The following MAST4 variants were observed in gnomAD, a reference collection of about 807,000 sequenced individuals.
The protein encoded by MAST4 is microtubule associated serine/threonine kinase family member 4, also known as microtubule-associated serine/threonine-protein kinase 4.
In MAST4, 89 loss-of-function variants were observed where a neutral mutation model predicts 162.7. That is an observed-to-expected ratio of 0.55 (90% CI 0.46 to 0.65). The LOEUF is 0.65. Ranked by LOEUF, MAST4 falls within the 30% of genes least tolerant of loss-of-function variation. The pLI is 0.00. For synonymous variants in MAST4, 1,479 were observed against 1,361.1 expected (o/e 1.09, Z -1.91); for missense variants, 3,153 against 3,374.0 (o/e 0.93, Z 1.62).
intron 3 of MAST4, among the ~76,000 whole-genome samples, chr5:66,870,565 C>T (rs113890413): frequency 0.014 from 2,129 of 152,072 alleles, 33 homozygotes; most frequent in Middle Eastern, 0.075. Flanking sequence ...CTTGCACATA[C>T]AAGTTTGTTT....
Position 67,163,860 on chromosome 5 carries a change from T to C in MAST4, c.4681T>C (p.Leu1561=). The change falls in exon 29 of 29, where the codon TTG becomes CTG. Residue 1561 remains leucine (L), a synonymous_variant. Transcript: ENST00000403625. The surrounding 1 kb of genome is among the most constrained non-coding windows in gnomAD (Gnocchi z 7.0). ...GAAATCCCATGGACCCGGGAGTGAT[T>C]TGGAAAACTTTGCTCTGTTTAAGCT... ...HQKSHGPGSD[L]ENFALFKLEE... The C allele has an allele frequency of 6.2e-7, 1 of 1,613,914 alleles. No homozygotes were observed. The highest frequency in any genetic ancestry group is 8.5e-7 in the Non-Finnish European group (1 of 1,179,864).
Position 66,747,677 on chromosome 5 carries a change from G to A in MAST4, c.364-12032G>A, listed in dbSNP as rs546193272. ...ACCTAGGTCATCTCAGCAAGGTGACGCACTCAAAAATAGGTGAAGAGAGAC... is the reference window on the plus strand; with the variant it reads ...ACCTAGGTCATCTCAGCAAGGTGACACACTCAAAAATAGGTGAAGAGAGAC... On this transcript the variant is annotated intron_variant, in intron 1 of 28. Coordinates refer to ENST00000403625, the MANE Select transcript of MAST4 (RefSeq NM_001164664.2). Among the ~76,000 whole-genome samples the A allele has an allele frequency of 3.8e-4, 58 of 152,276 alleles. 1 individual carries two copies. Among genetic ancestry groups the A allele is most frequent in the African/African-American group, 1.9e-4 (8 of 41,550 alleles).
At chr5:67,123,008 C>T (rs1315254277) in intron 14 of MAST4, among the ~76,000 whole-genome samples, 1 of 152,218 alleles carries the variant, frequency 6.6e-6, no homozygotes, top group Non-Finnish European at 1.5e-5. Context: ...ATTTTCTCAA[C>T]GTTTTAATAA....
chr5:67,155,903 T>C (rs1772428448), intron 26 of MAST4, among the ~76,000 whole-genome samples: 1 of 151,490 alleles, frequency 6.6e-6, no homozygotes, highest in African/African-American at 2.4e-5. Context: ...CTACTAAAAG[T>C]ACAAAAATTA....
rs1412086033 is a variant in MAST4 at position 67,169,510 on chromosome 5, T to G, written c.*2459T>G. 6.6e-6 allele frequency: 1 copy of G among 152,224 alleles called. No homozygotes were observed. The highest frequency in any genetic ancestry group is 1.5e-5 in the Non-Finnish European group (1 of 68,038). The allele number at this position is 152,224 out of a possible 1,614,324, so 9.4% of individuals were successfully genotyped here. A position where few individuals can be genotyped will look rare whatever the true frequency, so the allele number is the denominator to read the frequency against. The stretch of plus-strand genomic sequence containing the variant: ...CTTATTTTCTCTAAGAAATTCCTTA[T>G]GGACGTCATAATTGTTGTATATTGA... On this transcript the variant is annotated 3_prime_UTR_variant, in exon 29 of 29. Coordinates refer to ENST00000403625, the MANE Select transcript of MAST4 (RefSeq NM_001164664.2).
chr5:67,056,540 T>C (rs774669752), intron 5 of MAST4, among the ~76,000 whole-genome samples: 5 of 152,210 alleles, frequency 3.3e-5, no homozygotes, highest in Admixed American at 2.6e-4. Flanking sequence ...TCACTTCTAA[T>C]ATTGAGACGA....
At chr5:66,697,643 T>C (rs1749490512) in intron 1 of MAST4, among the ~76,000 whole-genome samples, 1 of 152,266 alleles carries the variant, frequency 6.6e-6, no homozygotes, top group South Asian at 2.1e-4. Flanking sequence ...TCTTTTAAGC[T>C]GGACACCCAA....
At chr5:66,818,202 C>G (rs2149726658) in intron 3 of MAST4, among the ~76,000 whole-genome samples, 1 of 152,232 alleles carries the variant, frequency 6.6e-6, no homozygotes, top group Middle Eastern at 3.4e-3. Context: ...CCATAGACAT[C>G]TATTACTTTT....
intron 1 of MAST4, among the ~76,000 whole-genome samples, chr5:66,619,786 T>C (rs1437757335): frequency 1.3e-5 from 2 of 152,092 alleles, no homozygotes; most frequent in Admixed American, 6.6e-5. Flanking sequence ...TAAAATAATT[T>C]AGATTTAATT....
Position 67,163,218 on chromosome 5 carries a change from C to T in MAST4, c.4039C>T (p.Arg1347Trp). Reference sequence around the variant, plus strand: ...TTCCCCAGCAGGGTCCGGGCACATCCGGCCCAGCACTCTCCACGGTCTTGC... The same window carrying T: ...TTCCCCAGCAGGGTCCGGGCACATCTGGCCCAGCACTCTCCACGGTCTTGC... ...PNSPAGSGHIRPSTLHGLAPK... is the reference protein window; with the variant it reads ...PNSPAGSGHIWPSTLHGLAPK... The change falls in exon 29 of 29, where the codon CGG (arginine) becomes TGG (tryptophan). Residue 1347 changes from arginine to tryptophan, a missense_variant. This residue lies in a region of MAST4 where 619 missense variants were observed against 744.2 expected (regional missense o/e 0.83). Transcript: ENST00000403625. The surrounding 1 kb of genome is among the most constrained non-coding windows in gnomAD (Gnocchi z 7.0). 1 of 1,613,880 alleles carries T rather than the reference C, an allele frequency of 6.2e-7. No homozygotes were observed. The highest frequency in any genetic ancestry group is 8.5e-7 in the Non-Finnish European group (1 of 1,179,884).
At position 67,061,026 on chromosome 5, in the gene MAST4, C is replaced by T. The variant is rs368668862; in HGVS notation, c.763+6534C>T. On this transcript the variant is annotated intron_variant, in intron 5 of 28. Coordinates refer to ENST00000403625, the MANE Select transcript of MAST4 (RefSeq NM_001164664.2). ...TAAAAGTGTGAGTTTCTGATTATAA[C>T]AGTAAAGCTAATAGTTTGTAAGATA... Among the ~76,000 whole-genome samples the T allele has an allele frequency of 2.3e-3, 356 of 152,304 alleles. 3 individuals are homozygous for T. Among genetic ancestry groups the T allele is most frequent in the African/African-American group, 8.3e-3 (344 of 41,576 alleles).
chr5:67,153,431 C>T (rs769791021), intron 25 of MAST4, 27 bp from the exon 26 acceptor site: 1 of 1,591,954 alleles, frequency 6.3e-7, no homozygotes, highest in Non-Finnish European at 8.6e-7. Flanking sequence ...TGTTTGCCTA[C>T]AAATATCCTC....
At chr5:66,737,070 C>A (rs1214770108) in intron 1 of MAST4, among the ~76,000 whole-genome samples, 3 of 152,170 alleles carry the variant, frequency 2.0e-5, no homozygotes, top group East Asian at 3.8e-4. Context: ...AAGAAATTAT[C>A]CCCCAAATTG....
intron 3 of MAST4, among the ~76,000 whole-genome samples, chr5:66,835,811 AT>A (rs756117608): frequency 6.6e-6 from 1 of 152,212 alleles, no homozygotes; most frequent in African/African-American, 2.4e-5. Context: ...CATTTTACAG[AT>A]GTGGACATGG....
chr5:67,004,925 C>A, intron 4 of MAST4: 1 of 701,290 alleles, frequency 1.4e-6, no homozygotes. Context: ...TGTCTTTCTT[C>A]CTTTTTTTTA....
chr5:66,659,847 C>T (rs939528631), intron 1 of MAST4, among the ~76,000 whole-genome samples: 2 of 152,148 alleles, frequency 1.3e-5, no homozygotes, highest in East Asian at 1.9e-4. Flanking sequence ...ACAAAGAGGA[C>T]AAGACATTTG....
intron 3 of MAST4, among the ~76,000 whole-genome samples, chr5:66,825,391 A>G (rs1435721308): frequency 6.6e-6 from 1 of 151,746 alleles, no homozygotes; most frequent in African/African-American, 2.4e-5. Flanking sequence ...TTACGATCTT[A>G]TGGGACCACC....
At chr5:66,814,846 A>AT (rs35643133) in intron 3 of MAST4, among the ~76,000 whole-genome samples, 13 of 151,314 alleles carry the variant, frequency 8.6e-5, no homozygotes, top group African/African-American at 1.9e-4. Flanking sequence ...CATCCTAGAG[A>AT]TTTTTTTTTT....
At chr5:67,102,378 C>T in intron 8 of MAST4, 158 bp from the exon 9 acceptor site, 1 of 708,954 alleles carries the variant, frequency 1.4e-6, no homozygotes. Context: ...TGTATGTGTG[C>T]ATGTGTACTA....
Sources: allele counts gnomAD v4.1 joint callset (sites outside exome capture counted in the v4.1 genomes callset), GRCh38; gene constraint gnomAD v4.1.1; regional missense constraint gnomAD v4.1.1; non-coding constraint Gnocchi (gnomAD v3.1); transcripts MANE v1.5; gene names NCBI Gene and HGNC (gene_info 2026-07-23, HGNC 2026-07-21).